The following TRIM44 variants were observed in gnomAD, a reference collection of about 807,000 sequenced individuals.
The protein encoded by TRIM44 is tripartite motif-containing protein 44.
TRIM44 carries 13 observed loss-of-function variants against 37.4 expected under a neutral mutation model. The ratio of observed to expected loss-of-function variants is 0.35; its 90% CI spans 0.23 to 0.55. The LOEUF (loss-of-function observed/expected upper bound fraction) is 0.55, where lower values mean the gene tolerates loss of function less well. Ranked by LOEUF, TRIM44 falls within the 20% of genes least tolerant of loss-of-function variation. TRIM44 has a pLI of 0.89. For synonymous variants in TRIM44, 175 were observed against 157.2 expected, an observed-to-expected ratio of 1.11 and a Z score of -0.85; for missense variants, 426 against 437.2, an observed-to-expected ratio of 0.97 and a Z score of 0.23.
chr11:35,672,257 T>C (rs958461566), intron 1 of TRIM44, among the ~76,000 whole-genome samples: 1 of 152,144 alleles, frequency 6.6e-6, no homozygotes, highest in African/African-American at 2.4e-5. Context: ...CCCTTTTAAC[T>C]CAAATGGAAC....
chr11:35,694,152 T>A (rs940259844), intron 2 of TRIM44, among the ~76,000 whole-genome samples: 4 of 152,208 alleles, frequency 2.6e-5, no homozygotes, highest in African/African-American at 9.6e-5. Context: ...AATTCTATTA[T>A]TTAGCTTAAC....
intron 2 of TRIM44, among the ~76,000 whole-genome samples, chr11:35,704,762 C>T (rs1167754322): frequency 6.6e-6 from 1 of 152,166 alleles, no homozygotes; most frequent in Non-Finnish European, 1.5e-5. Flanking sequence ...CTGAAGGAAG[C>T]ACTAAACATG....
intron 3 of TRIM44, among the ~76,000 whole-genome samples, chr11:35,734,400 A>AACT (rs1852304396): frequency 2.0e-5 from 3 of 152,242 alleles, no homozygotes; most frequent in Admixed American, 1.3e-4. Flanking sequence ...GCAAAATAAC[A>AACT]TGAGTAAGCT....
chr11:35,809,033 CAT>C lies in TRIM44; in HGVS notation c.*2650_*2651del, dbSNP rs1449719467. ...ATGTTTCCAGAATCAGTCGGATACT[CAT>C]AGCAATTTCTGGCTATCTTTCAAAT... On this transcript the variant is annotated 3_prime_UTR_variant, in exon 5 of 5. Coordinates refer to ENST00000299413, the MANE Select transcript of TRIM44 (RefSeq NM_017583.6). 6.6e-6 allele frequency: 1 copy of C among 152,224 alleles called. No homozygotes were observed. Among genetic ancestry groups the C allele is most frequent in the East Asian group, 1.9e-4 (1 of 5,200 alleles). 9.4% of individuals were successfully genotyped at this position (152,224 alleles called of 1,614,324 possible).
chr11:35,795,920 C>T (rs1394368993), intron 4 of TRIM44, among the ~76,000 whole-genome samples: 1 of 152,192 alleles, frequency 6.6e-6, no homozygotes, highest in African/African-American at 2.4e-5. Flanking sequence ...CTTTATATAT[C>T]TGCCAACCAC....
At chr11:35,767,806 A>G (rs746237811) in intron 4 of TRIM44, among the ~76,000 whole-genome samples, 10 of 152,142 alleles carry the variant, frequency 6.6e-5, no homozygotes, top group East Asian at 1.9e-4. Flanking sequence ...CATCCATGCA[A>G]TGCAGATAAT....
In TRIM44 at chr11:35,801,527, G is replaced by A. The variant is rs189852214; in HGVS notation, c.1008-4831G>A. Among the ~76,000 whole-genome samples the A allele has an allele frequency of 7.2e-5, 11 of 152,198 alleles. No homozygotes were observed. In the East Asian group the frequency reaches 2.1e-3, roughly 29 times the overall value. ...CCCCTTTATGCCCCTAAAGCTCTGG[G>A]GACAGAAGCCAAAAAGCTAAGCTGC... On this transcript the variant is annotated intron_variant, in intron 4 of 4. Transcript: ENST00000299413.
intron 2 of TRIM44, among the ~76,000 whole-genome samples, chr11:35,689,754 G>C (rs1851619588): frequency 6.6e-6 from 1 of 152,102 alleles, no homozygotes; most frequent in South Asian, 2.1e-4. Context: ...AGTTTACTCA[G>C]AGGTAACCTA....
rs886562233 is a variant in TRIM44, at chr11:35,806,649, G to A, written c.*264G>A. 1.3e-5 allele frequency: 6 copies of A among 446,122 alleles called. No homozygotes were observed. Among genetic ancestry groups the A allele is most frequent in the African/African-American group, 1.0e-4 (5 of 50,184 alleles). 27.6% of individuals were successfully genotyped at this position (446,122 alleles called of 1,614,324 possible). A position where few individuals can be genotyped will look rare whatever the true frequency, so the allele number is the denominator to read the frequency against. On this transcript the variant is annotated 3_prime_UTR_variant, in exon 5 of 5. Transcript: ENST00000299413. ...GGAGCAATTAAGAAAGGTCCTTCAG[G>A]TAATCCCTCAATGGCTGCTTTGAAC... is the stretch of plus-strand genomic sequence containing the variant.
chr11:35,706,109 T>A (rs1241123617), intron 2 of TRIM44, among the ~76,000 whole-genome samples: 1 of 148,846 alleles, frequency 6.7e-6, no homozygotes, highest in Non-Finnish European at 1.5e-5. Flanking sequence ...AAATGCAAAC[T>A]ATCATCAGAG....
intron 2 of TRIM44, among the ~76,000 whole-genome samples, chr11:35,692,602 C>T (rs989698000): frequency 1.3e-5 from 2 of 151,980 alleles, no homozygotes; most frequent in African/African-American, 2.4e-5. Context: ...GGATTTGGGA[C>T]GTTTAACCTG....
chr11:35,696,771 C>T (rs1851704640), intron 2 of TRIM44, among the ~76,000 whole-genome samples: 1 of 151,322 alleles, frequency 6.6e-6, no homozygotes, highest in Non-Finnish European at 1.5e-5. Flanking sequence ...TGCTTGAACC[C>T]AGGAGGCGGA....
At chr11:35,702,081 C>T (rs1007658707) in intron 2 of TRIM44, among the ~76,000 whole-genome samples, 10 of 152,218 alleles carry the variant, frequency 6.6e-5, no homozygotes, top group African/African-American at 2.4e-4. Context: ...TATGGGGTAA[C>T]CCAGTCAACA....
intron 2 of TRIM44, among the ~76,000 whole-genome samples, chr11:35,692,720 C>T (rs775006959): frequency 3.3e-5 from 5 of 152,032 alleles, no homozygotes; most frequent in African/African-American, 1.2e-4. Context: ...GTCAGGAGAT[C>T]GGGACCATCC....
In TRIM44 at chr11:35,662,970, T is replaced by A; in HGVS notation, c.-142T>A. ...GGGCAGGGGCTGCCGCGGCCCCAGG[T>A]CCCGCTTCGAGACGCGGCGCGGTCC... is the stretch of plus-strand genomic sequence containing the variant. On this transcript the variant is annotated 5_prime_UTR_variant, in exon 1 of 5. Coordinates refer to ENST00000299413, the MANE Select transcript of TRIM44 (RefSeq NM_017583.6). The A allele has an allele frequency of 1.5e-6, 2 of 1,351,348 alleles. No individual in the cohort carries two copies. The highest frequency in any genetic ancestry group is 1.9e-6 in the Non-Finnish European group (2 of 1,050,118). The allele number at this position is 1,351,348 out of a possible 1,614,324, so 83.7% of individuals were successfully genotyped here.
chr11:35,744,502 A>T lies in TRIM44; in HGVS notation c.1007+9057A>T, dbSNP rs573514583. Among the ~76,000 whole-genome samples the T allele has an allele frequency of 3.3e-5, 5 of 152,330 alleles. No individual in the cohort carries two copies. In the South Asian group the frequency reaches 1.0e-3, roughly 32 times the overall value. On this transcript the variant is annotated intron_variant, in intron 4 of 4. Coordinates refer to ENST00000299413, the MANE Select transcript of TRIM44 (RefSeq NM_017583.6). ...AACATTTAAAAATTAAGAAATATTTAAAAACATTCACTGTTATCTGAAATT... is the reference window on the plus strand; with the variant it reads ...AACATTTAAAAATTAAGAAATATTTTAAAACATTCACTGTTATCTGAAATT...
chr11:35,745,894 C>G (rs1464436836), intron 4 of TRIM44, among the ~76,000 whole-genome samples: 1 of 151,960 alleles, frequency 6.6e-6, no homozygotes, highest in East Asian at 1.9e-4. Flanking sequence ...CACAGTGGCC[C>G]GGACTGGGAA....
intron 4 of TRIM44, among the ~76,000 whole-genome samples, chr11:35,771,082 C>G (rs1743095403): frequency 6.6e-6 from 1 of 152,112 alleles, no homozygotes; most frequent in African/African-American, 2.4e-5. Context: ...GACTTTGGAA[C>G]TGGGTAACAA....
At chr11:35,730,306 CA>C (rs1316520157) in intron 3 of TRIM44, among the ~76,000 whole-genome samples, 2 of 151,668 alleles carry the variant, frequency 1.3e-5, no homozygotes, top group African/African-American at 4.8e-5. Context: ...TAAACAGCAG[CA>C]AAAAAACATG....
Sources: gnomAD v4.1 joint callset for allele counts (sites outside exome capture counted in the v4.1 genomes callset) on GRCh38, gnomAD v4.1.1 for gene constraint, MANE v1.5 for transcripts, NCBI Gene and HGNC (gene_info 2026-07-23, HGNC 2026-07-21) for gene names.